PRKN: variants seen among roughly 807,000 people sequenced by gnomAD.
PRKN encodes parkin RBR E3 ubiquitin protein ligase.
A neutral mutation model predicts 59.5 loss-of-function variants in PRKN; 56 were observed. That is an observed-to-expected ratio of 0.94 (90% CI 0.76 to 1.18). The LOEUF is 1.18. PRKN is among the 50% of genes most tolerant of loss of function. The pLI, the probability that PRKN is intolerant of heterozygous loss-of-function variation, is 0.00. For synonymous variants in PRKN, 250 were observed against 222.1 expected, an observed-to-expected ratio of 1.13 and a Z score of -1.12; for missense variants, 657 against 596.4, an observed-to-expected ratio of 1.10 and a Z score of -1.06.
chr6:162,145,301 A>G (rs756285192), intron 4 of PRKN, among the ~76,000 whole-genome samples: 10 of 152,224 alleles, frequency 6.6e-5, no homozygotes, highest in Non-Finnish European at 1.2e-4. Flanking sequence ...AAGACAATAC[A>G]TTCAGAATAA....
Position 161,391,549 on chromosome 6 carries a change from A to G in PRKN, c.1084-4672T>C, listed in dbSNP as rs1457738663. On this transcript the variant is annotated intron_variant, in intron 9 of 11. Transcript: ENST00000366898. This position sits in a 1 kb window ranked among gnomAD's most constrained non-coding sequence, Gnocchi z 4.9. ...TTATAGATTTGGTTAGAAGGCAATC[A>G]AACACATGGACTGTATTATAGTCCC... is the stretch of plus-strand genomic sequence containing the variant. Among the ~76,000 whole-genome samples the G allele has an allele frequency of 6.6e-6, 1 of 152,058 alleles. No individual in the cohort carries two copies. Among genetic ancestry groups the G allele is most frequent in the African/African-American group, 2.4e-5 (1 of 41,362 alleles).
chr6:162,372,607 C>T (rs963456707), intron 2 of PRKN, among the ~76,000 whole-genome samples: 2 of 152,140 alleles, frequency 1.3e-5, no homozygotes, highest in Admixed American at 1.3e-4. Context: ...CTATTCGGTG[C>T]TATGCTCACT....
intron 1 of PRKN, chr6:162,569,743 C>A (rs1187814902): frequency 3.8e-6 from 2 of 526,094 alleles, no homozygotes; most frequent in Non-Finnish European, 7.1e-6. Flanking sequence ...CTGCGACAGC[C>A]CCTCCCAGCC....
intron 9 of PRKN, among the ~76,000 whole-genome samples, chr6:161,522,057 T>C (rs1459199552): frequency 6.6e-6 from 1 of 152,130 alleles, no homozygotes; most frequent in Non-Finnish European, 1.5e-5. Context: ...ACGGCGAATA[T>C]TGATGCGGTG....
chr6:161,361,906 C>A lies in PRKN; in HGVS notation c.1168-1701G>T, dbSNP rs2145573. ...ACTAGGTATGCATCTTCATGGCACG[C>A]CTTCCAGTCACCACAGAGTCTTGGG... is the stretch of plus-strand genomic sequence containing the variant. On this transcript the variant is annotated intron_variant, in intron 10 of 11. Coordinates refer to ENST00000366898, the MANE Select transcript of PRKN (RefSeq NM_004562.3). This position sits in a 1 kb window ranked among gnomAD's most constrained non-coding sequence, Gnocchi z 5.2. Among the ~76,000 whole-genome samples, 2 of 151,800 alleles carry A rather than the reference C, an allele frequency of 1.3e-5. No homozygotes were observed. Among genetic ancestry groups the A allele is most frequent in the African/African-American group, 2.4e-5 (1 of 41,284 alleles).
chr6:161,415,052 G>A (rs1454024413), intron 9 of PRKN, among the ~76,000 whole-genome samples: 1 of 152,144 alleles, frequency 6.6e-6, no homozygotes, highest in Non-Finnish European at 1.5e-5. Context: ...GGAGTCCACA[G>A]GACTCCAGAG....
chr6:162,357,855 GC>G (rs777395901), intron 2 of PRKN, among the ~76,000 whole-genome samples: 6 of 152,124 alleles, frequency 3.9e-5, no homozygotes, highest in Non-Finnish European at 7.4e-5. Context: ...TTTGGAAAAA[GC>G]AAAACTATAT....
intron 9 of PRKN, among the ~76,000 whole-genome samples, chr6:161,408,622 G>A (rs1787387513): frequency 6.6e-6 from 1 of 151,844 alleles, no homozygotes; most frequent in Non-Finnish European, 1.5e-5. Flanking sequence ...GGGGGTCGGC[G>A]AGGCTGATAC....
chr6:162,691,284 A>T (rs974090771), intron 1 of PRKN, among the ~76,000 whole-genome samples: 5 of 152,170 alleles, frequency 3.3e-5, no homozygotes, highest in Non-Finnish European at 2.9e-5. Context: ...CACACTTAAA[A>T]CATAAAATGT....
intron 6 of PRKN, among the ~76,000 whole-genome samples, chr6:161,914,513 C>T (rs57788696): frequency 6.6e-6 from 1 of 151,972 alleles, no homozygotes; most frequent in Non-Finnish European, 1.5e-5. Context: ...CTACACCCAT[C>T]TGCACTGTTT....
intron 1 of PRKN, among the ~76,000 whole-genome samples, chr6:162,622,467 A>G (rs564752703): frequency 6.6e-6 from 1 of 152,212 alleles, no homozygotes; most frequent in East Asian, 1.9e-4. Context: ...TATAGGGGTG[A>G]GCCACCGTGC....
intron 1 of PRKN, among the ~76,000 whole-genome samples, chr6:162,604,106 G>A (rs1781811883): frequency 6.6e-6 from 1 of 152,176 alleles, no homozygotes; most frequent in South Asian, 2.1e-4. Context: ...CTGCACCGCA[G>A]CAATTGCACC....
intron 9 of PRKN, among the ~76,000 whole-genome samples, chr6:161,511,503 T>C (rs116946626): frequency 1.3e-5 from 2 of 152,172 alleles, no homozygotes; most frequent in Admixed American, 6.5e-5. Flanking sequence ...TTATGAAGGA[T>C]GAGCAAAATA....
At chr6:162,569,092 T>C in intron 1 of PRKN, 2 of 664,182 alleles carry the variant, frequency 3.0e-6, no homozygotes. Flanking sequence ...GCATCATTGC[T>C]GAGGTCAAGG....
intron 7 of PRKN, among the ~76,000 whole-genome samples, chr6:161,648,116 C>T (rs957851679): frequency 1.2e-4 from 19 of 152,202 alleles, no homozygotes; most frequent in African/African-American, 4.6e-4. Context: ...GGAGACAAAA[C>T]AAGCTTGCTT....
chr6:162,693,572 A>T (rs980022908), intron 1 of PRKN, among the ~76,000 whole-genome samples: 2 of 152,200 alleles, frequency 1.3e-5, no homozygotes, highest in Non-Finnish European at 2.9e-5. Context: ...AAAGGAACTC[A>T]AACTGGAAAA....
chr6:162,445,614 C>T (rs532940263), intron 1 of PRKN, among the ~76,000 whole-genome samples: 23 of 135,318 alleles, frequency 1.7e-4, no homozygotes, highest in Non-Finnish European at 2.7e-4. Context: ...ACTGTGTAAG[C>T]CCAGGAATTA....
At chr6:161,452,821 G>A (rs1000007467) in intron 9 of PRKN, among the ~76,000 whole-genome samples, 4 of 151,944 alleles carry the variant, frequency 2.6e-5, no homozygotes, top group African/African-American at 7.3e-5. Flanking sequence ...ACCCACAGGC[G>A]AGGGGCAGGG....
chr6:162,633,505 T>C (rs1777595303), intron 1 of PRKN, among the ~76,000 whole-genome samples: 1 of 139,174 alleles, frequency 7.2e-6, no homozygotes, highest in Non-Finnish European at 1.5e-5. Flanking sequence ...CTCCTAAAAC[T>C]CCAGTTTCTA....
Sources: allele counts gnomAD v4.1 joint callset (sites outside exome capture counted in the v4.1 genomes callset), GRCh38; gene constraint gnomAD v4.1.1; non-coding constraint Gnocchi (gnomAD v3.1); transcripts MANE v1.5; gene names NCBI Gene and HGNC (gene_info 2026-07-23, HGNC 2026-07-21).